ADK: variants seen among roughly 807,000 people sequenced by gnomAD.
The protein encoded by ADK is adenosine kinase.
In ADK, 24 loss-of-function variants were observed where a neutral mutation model predicts 44.7. The observed-to-expected ratio is 0.54, with a 90% confidence interval of 0.39 to 0.76. The LOEUF is 0.76. ADK is among the 30% of genes least tolerant of loss of function. The probability of loss-of-function intolerance (pLI) is 0.00; values close to 1 mark genes in which losing one functional copy is unlikely to be tolerated. For missense variants in ADK, 321 were observed against 425.1 expected, an observed-to-expected ratio of 0.76 and a Z score of 2.15; for synonymous variants, 128 against 142.6, an observed-to-expected ratio of 0.90 and a Z score of 0.73.
In ADK at chr10:74,708,496, T is replaced by C; in HGVS notation, c.*51T>C. On this transcript the variant is annotated 3_prime_UTR_variant, in exon 11 of 11. Transcript: ENST00000539909. ...GGAGTGCAGACACTGCCCTAATTGC[T>C]TCCTGAGAATTCCCATATTAATAAA... is the stretch of plus-strand genomic sequence containing the variant. The C allele has an allele frequency of 6.3e-7, 1 of 1,591,786 alleles. No homozygotes were observed. Among genetic ancestry groups the C allele is most frequent in the Non-Finnish European group, 8.5e-7 (1 of 1,170,088 alleles).
chr10:74,495,064 C>G (rs1201183703), intron 6 of ADK, among the ~76,000 whole-genome samples: 6 of 151,812 alleles, frequency 4.0e-5, no homozygotes, highest in Admixed American at 1.3e-4. Context: ...CTTTTTTTTC[C>G]TAAGCCTTTA....
At chr10:74,570,767 A>G (rs1850924076) in intron 7 of ADK, among the ~76,000 whole-genome samples, 1 of 152,108 alleles carries the variant, frequency 6.6e-6, no homozygotes, top group Admixed American at 6.5e-5. Context: ...TTCCTAATTG[A>G]ATACCCTTTA....
At chr10:74,449,076 T>C (rs986069145) in intron 6 of ADK, among the ~76,000 whole-genome samples, 1 of 152,200 alleles carries the variant, frequency 6.6e-6, no homozygotes, top group Non-Finnish European at 1.5e-5. Flanking sequence ...TATGTCATTG[T>C]GGAGACTGGC....
chr10:74,615,412 T>C (rs551316266), intron 9 of ADK, among the ~76,000 whole-genome samples: 7 of 152,284 alleles, frequency 4.6e-5, no homozygotes, highest in Non-Finnish European at 7.4e-5. Flanking sequence ...TCTGTGGGTT[T>C]TGACAAACAC....
intron 8 of ADK, among the ~76,000 whole-genome samples, chr10:74,589,575 T>G (rs1274047519): frequency 1.3e-5 from 2 of 152,134 alleles, no homozygotes; most frequent in Non-Finnish European, 2.9e-5. Flanking sequence ...GCCAAGAGGT[T>G]GGGCACGGTT....
intron 3 of ADK, among the ~76,000 whole-genome samples, chr10:74,269,942 G>A (rs1005113725): frequency 6.6e-6 from 1 of 152,060 alleles, no homozygotes; most frequent in African/African-American, 2.4e-5. Context: ...AAATTGCAGT[G>A]AGCCAAGGTC....
intron 7 of ADK, among the ~76,000 whole-genome samples, chr10:74,544,250 C>T (rs917178061): frequency 2.6e-5 from 4 of 152,110 alleles, no homozygotes; most frequent in African/African-American, 4.8e-5. Context: ...ACTTTCTGAC[C>T]GGAAGTTCCA....
intron 3 of ADK, among the ~76,000 whole-genome samples, chr10:74,291,736 A>G (rs961639064): frequency 1.3e-5 from 2 of 150,204 alleles, no homozygotes; most frequent in Non-Finnish European, 3.0e-5. Flanking sequence ...ACCATACTAG[A>G]TATTCTATGA....
chr10:74,586,915 A>C (rs898233550), intron 7 of ADK, among the ~76,000 whole-genome samples: 3 of 150,634 alleles, frequency 2.0e-5, no homozygotes, highest in Non-Finnish European at 4.4e-5. Flanking sequence ...ATACACATAT[A>C]TATACATATA....
intron 6 of ADK, among the ~76,000 whole-genome samples, chr10:74,474,669 T>C (rs1245847470): frequency 6.6e-6 from 1 of 151,476 alleles, no homozygotes. Flanking sequence ...TAGGCTCCCA[T>C]GTGTGTGGGG....
chr10:74,456,666 C>CAA lies in ADK; in HGVS notation c.555+58110_555+58111dup, dbSNP rs71024510. 3.6e-3 allele frequency among the ~76,000 whole-genome samples: 227 copies of CAA among 62,966 alleles called. 3 individuals carry two copies. The highest frequency in any genetic ancestry group is 0.022 in the Middle Eastern group (2 of 92). 41.3% of individuals were successfully genotyped at this position (62,966 alleles called of 152,430 possible). On this transcript the variant is annotated intron_variant, in intron 6 of 10. Transcript: ENST00000539909. ...TGGGCGACAGAGCGAGACTCCATCT[C>CAA]AAAAAAAAAAAAAAAAAAAAAAAAC... is the stretch of plus-strand genomic sequence containing the variant.
chr10:74,336,872 C>G (rs759210352), intron 4 of ADK, among the ~76,000 whole-genome samples: 7 of 152,012 alleles, frequency 4.6e-5, no homozygotes, highest in Non-Finnish European at 1.0e-4. Flanking sequence ...GGAATAATGA[C>G]AAGAAAAAAG....
intron 10 of ADK, among the ~76,000 whole-genome samples, chr10:74,702,279 A>C (rs1589382495): frequency 6.7e-6 from 1 of 149,614 alleles, no homozygotes; most frequent in Non-Finnish European, 1.5e-5. Context: ...TGCATCCCGG[A>C]TTCAAGCGAT....
chr10:74,474,866 G>A (rs1846763412), intron 6 of ADK, among the ~76,000 whole-genome samples: 2 of 152,102 alleles, frequency 1.3e-5, no homozygotes, highest in South Asian at 2.1e-4. Flanking sequence ...GGAGGCTCAC[G>A]CCTGTAATCC....
chr10:74,450,497 A>G (rs2133184167), intron 6 of ADK, among the ~76,000 whole-genome samples: 1 of 152,372 alleles, frequency 6.6e-6, no homozygotes, highest in South Asian at 2.1e-4. Context: ...TGCTTGATGA[A>G]TTAATTAAAA....
chr10:74,358,419 C>T (rs946843104), intron 4 of ADK, among the ~76,000 whole-genome samples: 6 of 152,124 alleles, frequency 3.9e-5, no homozygotes, highest in Admixed American at 6.5e-5. Context: ...GGTCCACTTA[C>T]TTATTTCAAA....
chr10:74,588,164 T>G (rs2133917067), intron 7 of ADK, among the ~76,000 whole-genome samples: 1 of 152,290 alleles, frequency 6.6e-6, no homozygotes, highest in East Asian at 1.9e-4. Context: ...TTAATTTTTT[T>G]CTGCAGTATT....
At chr10:74,421,089 A>G (rs912042866) in intron 6 of ADK, among the ~76,000 whole-genome samples, 1 of 152,180 alleles carries the variant, frequency 6.6e-6, no homozygotes, top group African/African-American at 2.4e-5. Flanking sequence ...AGCTGTAACA[A>G]ATGAATCTAA....
intron 6 of ADK, among the ~76,000 whole-genome samples, chr10:74,450,820 T>G (rs930466045): frequency 3.3e-5 from 5 of 152,094 alleles, no homozygotes; most frequent in African/African-American, 1.2e-4. Flanking sequence ...GTACAAATAT[T>G]TGTTGGGGAA....
Sources: allele counts gnomAD v4.1 joint callset (sites outside exome capture counted in the v4.1 genomes callset), GRCh38; gene constraint gnomAD v4.1.1; transcripts MANE v1.5; gene names NCBI Gene and HGNC (gene_info 2026-07-23, HGNC 2026-07-21).